INPP4B: variants seen among roughly 807,000 people sequenced by gnomAD.
The protein encoded by INPP4B is inositol polyphosphate 4-phosphatase type II.
In INPP4B, 55 loss-of-function variants were observed where a neutral mutation model predicts 122.5. That is an observed-to-expected ratio of 0.45 (90% confidence interval 0.36 to 0.56). The LOEUF (loss-of-function observed/expected upper bound fraction) is 0.56, where lower values mean the gene tolerates loss of function less well. Ranked by LOEUF, INPP4B falls within the 20% of genes least tolerant of loss-of-function variation. The pLI, the probability that INPP4B is intolerant of heterozygous loss-of-function variation, is 0.00. For missense variants in INPP4B, 1,000 were observed against 1,097.7 expected (o/e 0.91, Z 1.26); for synonymous variants, 403 against 388.7 (o/e 1.04, Z -0.43).
chr4:142,502,772 C>A (rs1201468238), intron 2 of INPP4B, among the ~76,000 whole-genome samples: 3 of 152,100 alleles, frequency 2.0e-5, no homozygotes, highest in African/African-American at 7.2e-5. Context: ...TGAGCCCATG[C>A]CTGGCTATCC....
intron 2 of INPP4B, among the ~76,000 whole-genome samples, chr4:142,606,403 G>A (rs554433975): frequency 5.9e-5 from 9 of 151,738 alleles, no homozygotes; most frequent in East Asian, 1.9e-4. Context: ...GACTTGAAAC[G>A]ATACCAACAT....
chr4:142,840,174 C>T (rs1011746994), intron 1 of INPP4B, among the ~76,000 whole-genome samples: 4 of 151,950 alleles, frequency 2.6e-5, no homozygotes, highest in East Asian at 3.9e-4. Flanking sequence ...CACTGGTGAC[C>T]GGGTCATCAC....
intron 14 of INPP4B, 70 bp from the exon 15 acceptor site, chr4:142,193,265 A>G: frequency 1.2e-6 from 1 of 851,856 alleles, no homozygotes; most frequent in South Asian, 1.5e-5. Flanking sequence ...TTTGCATTGA[A>G]GCATACCTAT....
intron 7 of INPP4B, among the ~76,000 whole-genome samples, chr4:142,332,473 T>C (rs1047491382): frequency 8.6e-5 from 13 of 151,916 alleles, no homozygotes; most frequent in Admixed American, 5.9e-4. Flanking sequence ...CTCAATGTCC[T>C]TGAGAAATGA....
intron 25 of INPP4B, among the ~76,000 whole-genome samples, chr4:142,043,816 G>T (rs1749680401): frequency 6.6e-6 from 1 of 152,200 alleles, no homozygotes; most frequent in South Asian, 2.1e-4. Context: ...AAACACTGAA[G>T]ACTTATGAGC....
At chr4:142,194,801 A>G (rs1837464765) in intron 14 of INPP4B, among the ~76,000 whole-genome samples, 1 of 152,172 alleles carries the variant, frequency 6.6e-6, no homozygotes, top group Admixed American at 6.5e-5. Flanking sequence ...CAGTTTCCTT[A>G]CCTATAAATT....
chr4:142,299,553 A>T (rs1376549303), intron 9 of INPP4B, among the ~76,000 whole-genome samples: 4 of 151,452 alleles, frequency 2.6e-5, no homozygotes, highest in Non-Finnish European at 5.9e-5. Context: ...CAAAAGCATA[A>T]ACTTAGCTAC....
chr4:142,399,193 T>TC (rs1299896470), intron 7 of INPP4B, among the ~76,000 whole-genome samples: 20 of 120,068 alleles, frequency 1.7e-4, no homozygotes, highest in African/African-American at 6.7e-4. Context: ...CTTTTGCTTT[T>TC]TTTTTTTTTT....
intron 9 of INPP4B, among the ~76,000 whole-genome samples, chr4:142,285,024 T>C (rs1045790512): frequency 2.6e-4 from 40 of 151,788 alleles, no homozygotes; most frequent in African/African-American, 9.2e-4. Context: ...AAAGTGGATG[T>C]GGGGGAGGGG....
chr4:142,479,768 G>A (rs7656778), intron 2 of INPP4B, among the ~76,000 whole-genome samples: 126 of 152,134 alleles, frequency 8.3e-4, no homozygotes, highest in African/African-American at 2.9e-3. Context: ...TTGAGTACAC[G>A]TGGACACAAA....
intron 2 of INPP4B, among the ~76,000 whole-genome samples, chr4:142,477,418 G>A (rs1329251223): frequency 6.6e-6 from 1 of 151,274 alleles, no homozygotes; most frequent in Non-Finnish European, 1.5e-5. Flanking sequence ...CCCAACACTA[G>A]CAAAAGAGAA....
intron 7 of INPP4B, among the ~76,000 whole-genome samples, chr4:142,360,005 A>C (rs1012109564): frequency 2.6e-5 from 4 of 152,026 alleles, no homozygotes; most frequent in African/African-American, 9.7e-5. Context: ...AGCTTTAAAA[A>C]TTATACTAGA....
chr4:142,719,620 A>C (rs754037816), intron 2 of INPP4B, among the ~76,000 whole-genome samples: 31 of 152,178 alleles, frequency 2.0e-4, no homozygotes, highest in Non-Finnish European at 3.8e-4. Context: ...CATTGAACCC[A>C]GCCTATAATT....
chr4:142,829,200 T>C (rs1421153198), intron 1 of INPP4B, among the ~76,000 whole-genome samples: 1 of 151,752 alleles, frequency 6.6e-6, no homozygotes, highest in Admixed American at 6.6e-5. Flanking sequence ...GGCTGAATAT[T>C]TTATGTTGAC....
rs1268137799 is a variant in INPP4B at position 142,039,456 on chromosome 4, G to C, written c.2643-10542C>G. Among the ~76,000 whole-genome samples the C allele has an allele frequency of 2.6e-5, 4 of 152,022 alleles. 1 individual carries two copies. Among genetic ancestry groups the C allele is most frequent in the Admixed American group, 2.6e-4 (4 of 15,250 alleles). ...TAGGAATATCCTCTCATCAGAAGAA[G>C]CCAGGTACTAAGTAATAATAATTTC... is the stretch of plus-strand genomic sequence containing the variant. On this transcript the variant is annotated intron_variant, in intron 25 of 25. Transcript: ENST00000262992.
Position 142,682,900 on chromosome 4 carries a change from A to G in INPP4B, c.-191+42939T>C, listed in dbSNP as rs141826770. Among the ~76,000 whole-genome samples the G allele has an allele frequency of 2.6e-5, 4 of 152,112 alleles. No homozygotes were observed. In the East Asian group the frequency reaches 7.8e-4, roughly 30 times the overall value. On this transcript the variant is annotated intron_variant, in intron 2 of 25. Coordinates refer to ENST00000262992, the MANE Select transcript of INPP4B (RefSeq NM_001101669.3). ...ACTTTAGCTTTTGGAACAGTAAAGG[A>G]GAGTATATTGTACAGTAAATGCATT...
intron 25 of INPP4B, among the ~76,000 whole-genome samples, chr4:142,049,320 T>G (rs1753228687): frequency 6.6e-6 from 1 of 152,054 alleles, no homozygotes; most frequent in Non-Finnish European, 1.5e-5. Flanking sequence ...CTATGTAAAT[T>G]TGTACATTTG....
intron 2 of INPP4B, among the ~76,000 whole-genome samples, chr4:142,707,827 C>T (rs1463916957): frequency 6.6e-6 from 1 of 152,158 alleles, no homozygotes; most frequent in African/African-American, 2.4e-5. Flanking sequence ...AATGTGGAAG[C>T]ACCTTTGGAA....
intron 9 of INPP4B, among the ~76,000 whole-genome samples, chr4:142,271,429 A>C (rs1036599365): frequency 6.6e-6 from 1 of 152,206 alleles, no homozygotes; most frequent in African/African-American, 2.4e-5. Flanking sequence ...CAGCCCATCT[A>C]TACTAACTGC....
Sources: allele counts gnomAD v4.1 joint callset (sites outside exome capture counted in the v4.1 genomes callset), GRCh38; gene constraint gnomAD v4.1.1; transcripts MANE v1.5; gene names NCBI Gene and HGNC (gene_info 2026-07-23, HGNC 2026-07-21).